EXTL3: variants seen among roughly 807,000 people sequenced by gnomAD.
EXTL3 encodes exostosin-like 3.
EXTL3 carries 27 observed loss-of-function variants against 69.3 expected under a neutral mutation model. The observed-to-expected ratio is 0.39, with a 90% CI of 0.29 to 0.54. The LOEUF is 0.54. Ranked by LOEUF, EXTL3 falls within the 20% of genes least tolerant of loss-of-function variation. EXTL3 has a pLI of 0.69. For missense variants in EXTL3, 1,003 were observed against 1,231.8 expected, an observed-to-expected ratio of 0.81 and a Z score of 2.78; for synonymous variants, 511 against 499.4, an observed-to-expected ratio of 1.02 and a Z score of -0.31.
At chr8:28,665,695 A>G (rs1403038068) in intron 1 of EXTL3, among the ~76,000 whole-genome samples, 3 of 152,154 alleles carry the variant, frequency 2.0e-5, no homozygotes, top group Non-Finnish European at 2.9e-5. Context: ...GGCATGAGCC[A>G]CTGTGCCTGT....
rs769238546 is a variant in EXTL3, at chr8:28,743,197, C to T, written c.2533C>T (p.Arg845Trp). The T allele has an allele frequency of 3.1e-6, 5 of 1,614,196 alleles. No individual in the cohort carries two copies. Among genetic ancestry groups the T allele is most frequent in the Non-Finnish European group, 4.2e-6 (5 of 1,180,026 alleles). The stretch of plus-strand genomic sequence containing the variant: ...GAACTTCCTTGTCTCCCACATCACT[C>T]GGAAGCCCCCCATCAAGGTGAGGTC... ...AMNFLVSHIT[R>W]KPPIKVTSRW... Residue 845 changes from arginine (R) to tryptophan (W), a missense_variant, in exon 6 of 7, where the codon CGG (arginine) becomes TGG (tryptophan). Arg to Trp is a moderately radical substitution (Grantham distance 101, BLOSUM62 -3). Around this residue, in one of 2 missense-constraint regions of EXTL3, gnomAD observed 261 missense variants for 416.4 expected, o/e 0.63. Coordinates refer to ENST00000220562, the MANE Select transcript of EXTL3 (RefSeq NM_001440.4).
Position 28,738,400 on chromosome 8 carries a change from T to C in EXTL3, c.2421+737T>C, listed in dbSNP as rs538322573. Among the ~76,000 whole-genome samples, 9 of 152,366 alleles carry C rather than the reference T, an allele frequency of 5.9e-5. No individual in the cohort carries two copies. In the South Asian group the frequency reaches 1.9e-3, roughly 32 times the overall value. On this transcript the variant is annotated intron_variant, in intron 5 of 6. Transcript: ENST00000220562. ...CAGATAGCTCAGTAATTGTTTGTGT[T>C]GATTGCATCTTGAAATGCAGTTAGT...
At chr8:28,713,102 A>G (rs1360538873) in intron 1 of EXTL3, among the ~76,000 whole-genome samples, 1 of 152,124 alleles carries the variant, frequency 6.6e-6, no homozygotes, top group Non-Finnish European at 1.5e-5. Context: ...CAGGTATATC[A>G]TTTCATCTGT....
intron 6 of EXTL3, among the ~76,000 whole-genome samples, chr8:28,747,031 C>T (rs564832843): frequency 3.3e-5 from 5 of 152,206 alleles, no homozygotes; most frequent in South Asian, 2.1e-4. Flanking sequence ...CCACTGCTTC[C>T]GTGAAAACAA....
rs750365532 is a variant in EXTL3 at position 28,717,811 on chromosome 8, C to T, written c.1752C>T (p.Tyr584=). The part of the protein sequence containing the change: ...DLGPVETEPP[Y]ASPRYLRNFT... ...GGCCAGTGGAGACGGAGCCGCCCTACGCCTCACCCAGATACCTCCGCAATT... is the reference window on the plus strand; with the variant it reads ...GGCCAGTGGAGACGGAGCCGCCCTATGCCTCACCCAGATACCTCCGCAATT... The change falls in exon 3 of 7, where the codon TAC becomes TAT. Residue 584 remains tyrosine (Y), a synonymous_variant. Transcript: ENST00000220562. The surrounding 1 kb of genome is among the most constrained non-coding windows in gnomAD (Gnocchi z 8.3). 2.1e-5 allele frequency: 34 copies of T among 1,612,344 alleles called. 1 individual carries two copies. The Middle Eastern group carries it at 6.6e-4, about 31-fold the overall frequency.
intron 1 of EXTL3, among the ~76,000 whole-genome samples, chr8:28,711,246 GT>G (rs1801024927): frequency 1.3e-5 from 2 of 152,000 alleles, no homozygotes; most frequent in African/African-American, 4.8e-5. Context: ...ATTCTTGTAG[GT>G]TTTTCAAACC....
intron 1 of EXTL3, among the ~76,000 whole-genome samples, chr8:28,645,180 C>T (rs1381532496): frequency 6.6e-6 from 1 of 152,114 alleles, no homozygotes; most frequent in Non-Finnish European, 1.5e-5. Context: ...AAAAAAGAAA[C>T]AAACATGAAA....
Position 28,706,652 on chromosome 8 carries a change from A to G in EXTL3, c.-570+4993A>G, listed in dbSNP as rs1800928940. On this transcript the variant is annotated intron_variant, in intron 1 of 6. Coordinates refer to ENST00000220562, the MANE Select transcript of EXTL3 (RefSeq NM_001440.4). ...TACTTTGATGATTTATTAGTGGAAA[A>G]TATCACAGTATCTTGTTTGAAATGT... Among the ~76,000 whole-genome samples, 10 of 152,352 alleles carry G rather than the reference A, an allele frequency of 6.6e-5. 2 individuals carry two copies. The South Asian group carries it at 2.1e-3, about 32-fold the overall frequency.
chr8:28,696,657 T>TCAAG (rs748276786), upstream of EXTL3: 2 of 152,160 alleles, frequency 1.3e-5, no homozygotes, highest in Non-Finnish European at 2.9e-5. Context: ...CCTCCCAGGT[T>TCAAG]CAAGCGATTC....
chr8:28,610,963 G>A (rs10099069), intron 2 of EXTL3, among the ~76,000 whole-genome samples: 43,602 of 151,688 alleles, frequency 0.29, 6,388 homozygotes, highest in African/African-American at 0.33. Context: ...GGCTGGTCTT[G>A]AACTCCTGAT....
chr8:28,655,629 C>T (rs926061343), intron 1 of EXTL3, among the ~76,000 whole-genome samples: 1 of 151,700 alleles, frequency 6.6e-6, no homozygotes, highest in African/African-American at 2.4e-5. Context: ...GTAGCTGGGA[C>T]CACAGGTGTG....
chr8:28,687,242 G>A (rs566662866), intron 1 of EXTL3, among the ~76,000 whole-genome samples: 1 of 152,228 alleles, frequency 6.6e-6, no homozygotes, highest in Admixed American at 6.5e-5. Context: ...AAGGTGGATG[G>A]ATCACTTGAG....
chr8:28,748,585 C>T (rs1801939133), intron 6 of EXTL3, among the ~76,000 whole-genome samples: 1 of 152,126 alleles, frequency 6.6e-6, no homozygotes. Context: ...TGGGGGGCTG[C>T]TCTCACCTTA....
chr8:28,704,101 T>C (rs561720442), intron 1 of EXTL3, among the ~76,000 whole-genome samples: 1 of 152,282 alleles, frequency 6.6e-6, no homozygotes, highest in East Asian at 1.9e-4. Flanking sequence ...GTGATGTTAC[T>C]AGGGAGAAGA....
chr8:28,748,787 A>G (rs563603600), intron 6 of EXTL3, among the ~76,000 whole-genome samples: 1 of 152,254 alleles, frequency 6.6e-6, no homozygotes, highest in Non-Finnish European at 1.5e-5. Flanking sequence ...TTGAGCCTCC[A>G]TGGGCTTAGG....
chr8:28,674,197 A>G (rs141146360), intron 1 of EXTL3, among the ~76,000 whole-genome samples: 1,976 of 151,948 alleles, frequency 0.013, 17 homozygotes, highest in Admixed American at 0.021. Flanking sequence ...CTCCCACATC[A>G]GCTTCCTGAG....
intron 1 of EXTL3, among the ~76,000 whole-genome samples, chr8:28,642,825 A>G (rs1806765311): frequency 6.6e-6 from 1 of 151,864 alleles, no homozygotes. Flanking sequence ...GATTTTTGGG[A>G]TATATAGTTA....
chr8:28,717,715 GA>G lies in EXTL3; in HGVS notation c.1657del (p.Ile553SerfsTer43). On this transcript the variant is annotated frameshift_variant, in exon 3 of 7. Transcript: ENST00000220562. LOFTEE classifies it high-confidence loss of function. This position sits in a 1 kb window ranked among gnomAD's most constrained non-coding sequence, Gnocchi z 8.3. ...APIREEAAAE[I>X]PHRSGKAAGT... ...CCATCCGGGAAGAGGCGGCAGCTGA[GA>G]TCCCCCACCGTTCAGGCAAGGCGGC... 6.2e-7 allele frequency: 1 copy of G among 1,614,242 alleles called. No individual in the cohort carries two copies. The highest frequency in any genetic ancestry group is 8.5e-7 in the Non-Finnish European group (1 of 1,180,044).
rs35238223 is a variant in EXTL3 at position 28,650,198 on chromosome 8, GAAA to G, written c.-53+27406_-53+27408del. On this transcript the variant is annotated intron_variant, in intron 1 of 6. Coordinates refer to the EXTL3 transcript ENST00000523149. ...GTGACAGAGTGAGACTCTGTCTCAG[GAAA>G]AAAAAAAAAAAAAAAAATCCAGATG... is the stretch of plus-strand genomic sequence containing the variant. Among the ~76,000 whole-genome samples, 297 of 95,252 alleles carry G rather than the reference GAAA, an allele frequency of 3.1e-3. 2 individuals are homozygous for G. Among genetic ancestry groups the G allele is most frequent in the African/African-American group, 0.011 (283 of 25,944 alleles). 62.5% of individuals were successfully genotyped at this position (95,252 alleles called of 152,430 possible).
Sources: gnomAD v4.1 joint callset for allele counts (sites outside exome capture counted in the v4.1 genomes callset) on GRCh38, gnomAD v4.1.1 for gene constraint, gnomAD v4.1.1 regional missense constraint, Gnocchi (gnomAD v3.1) non-coding constraint, MANE v1.5 for transcripts, NCBI Gene and HGNC (gene_info 2026-07-23, HGNC 2026-07-21) for gene names.